Variants in GREB1L observed in about 807,000 individuals in gnomAD.
The protein encoded by GREB1L is GREB1-like protein.
In GREB1L, 17 loss-of-function variants were observed where a neutral mutation model predicts 200.8. The ratio of observed to expected loss-of-function variants is 0.08; its 90% CI spans 0.06 to 0.13. GREB1L has a LOEUF of 0.13. GREB1L is among the 10% of genes least tolerant of loss of function. GREB1L has a pLI of 1.00. For synonymous variants in GREB1L, 789 were observed against 893.0 expected, an observed-to-expected ratio of 0.88 and a Z score of 2.08; for missense variants, 1,657 against 2,367.7, an observed-to-expected ratio of 0.70 and a Z score of 6.23.
intron 1 of GREB1L, among the ~76,000 whole-genome samples, chr18:21,289,304 C>T (rs2144560430): frequency 6.6e-6 from 1 of 152,210 alleles, no homozygotes; most frequent in South Asian, 2.1e-4. Context: ...AATCTCAATG[C>T]TTTGGGAGGC....
At chr18:21,360,841 C>T (rs2039570893) in intron 1 of GREB1L, among the ~76,000 whole-genome samples, 1 of 152,116 alleles carries the variant, frequency 6.6e-6, no homozygotes, top group Non-Finnish European at 1.5e-5. Context: ...ATAAAATATC[C>T]TCCATTTTTA....
At chr18:21,291,182 A>G (rs1487444090) in intron 1 of GREB1L, among the ~76,000 whole-genome samples, 1 of 152,036 alleles carries the variant, frequency 6.6e-6, no homozygotes, top group Non-Finnish European at 1.5e-5. Flanking sequence ...CCCTAGCTAT[A>G]CTGAGGACCT....
At chr18:21,327,825 G>A (rs2039046251) in intron 1 of GREB1L, among the ~76,000 whole-genome samples, 1 of 151,952 alleles carries the variant, frequency 6.6e-6, no homozygotes, top group Non-Finnish European at 1.5e-5. Context: ...CCATTCTCCT[G>A]CCTCAGCCTC....
intron 4 of GREB1L, among the ~76,000 whole-genome samples, chr18:21,391,305 G>A (rs114064275): frequency 6.6e-6 from 1 of 152,294 alleles, no homozygotes; most frequent in African/African-American, 2.4e-5. Context: ...TGTTACAACT[G>A]CCTATAGTAT....
rs1168379295 is a variant in GREB1L, at chr18:21,242,261, C to T, written c.-252C>T. The T allele has an allele frequency of 1.3e-5, 2 of 151,980 alleles. No individual in the cohort carries two copies. Among genetic ancestry groups the T allele is most frequent in the Admixed American group, 6.6e-5 (1 of 15,238 alleles). The allele number at this position is 151,980 out of a possible 1,614,324, so 9.4% of individuals were successfully genotyped here. On this transcript the variant is annotated 5_prime_UTR_variant, in exon 1 of 33. Coordinates refer to ENST00000424526, the MANE Select transcript of GREB1L (RefSeq NM_001142966.3). ...AGACGCCAGCCGCCGGCGGCGCTAG[C>T]ACCTCGGAGTCGGGCGGCCGGAGCA...
At chr18:21,395,687 CAATTA>C in intron 5 of GREB1L, 126 bp downstream of exon 5, 1 of 592,466 alleles carries the variant, frequency 1.7e-6, no homozygotes, top group Non-Finnish European at 2.7e-6. Flanking sequence ...TAGTTTAGTT[CAATTA>C]TGAGACATTT....
At chr18:21,293,236 C>T (rs1250005567) in intron 1 of GREB1L, among the ~76,000 whole-genome samples, 3 of 152,168 alleles carry the variant, frequency 2.0e-5, no homozygotes, top group Non-Finnish European at 4.4e-5. Flanking sequence ...CTGATTTGCA[C>T]CCTCTCACAT....
intron 17 of GREB1L, among the ~76,000 whole-genome samples, chr18:21,481,439 ATGTGTGTGTGTGTG>A (rs34711292): frequency 2.4e-4 from 30 of 127,550 alleles, no homozygotes; most frequent in African/African-American, 5.9e-4. Context: ...GTATATATGT[ATGTGTGTGTGTGTG>A]TGTGTGTGTG....
At chr18:21,389,249 G>T (rs2040682070) in intron 4 of GREB1L, among the ~76,000 whole-genome samples, 2 of 149,430 alleles carry the variant, frequency 1.3e-5, no homozygotes, top group South Asian at 4.2e-4. Flanking sequence ...AATTTATTTT[G>T]TTGCTCAAAT....
At chr18:21,360,323 A>G (rs1285189432) in intron 1 of GREB1L, among the ~76,000 whole-genome samples, 3 of 151,968 alleles carry the variant, frequency 2.0e-5, no homozygotes, top group Non-Finnish European at 2.9e-5. Context: ...GGTTCAAGCA[A>G]TTCTCCTGCC....
intron 15 of GREB1L, 199 bp downstream of exon 15, chr18:21,454,762 G>A (rs2034678550): frequency 1.7e-6 from 1 of 593,704 alleles, no homozygotes; most frequent in South Asian, 2.0e-5. Flanking sequence ...CAAGGTCAAG[G>A]GTAAATTGTT....
Position 21,485,731 on chromosome 18 carries a change from A to C in GREB1L, c.2668A>C (p.Met890Leu). The change falls in exon 18 of 33, where the codon ATG becomes CTG. Residue 890 changes from methionine to leucine, a missense_variant. Around this residue, in one of 9 missense-constraint regions of GREB1L, gnomAD observed 82 missense variants for 95.9 expected, o/e 0.85. Transcript: ENST00000424526. Reference protein sequence around the residue: ...LLRCDETFEKMVNTLLERYPR... With the variant: ...LLRCDETFEKLVNTLLERYPR... ...GAGATGTGACGAGACTTTTGAAAAAATGGTGAACACACTCTTGGAGAGGTA... is the reference window on the plus strand; with the variant it reads ...GAGATGTGACGAGACTTTTGAAAAACTGGTGAACACACTCTTGGAGAGGTA... 6.4e-7 allele frequency: 1 copy of C among 1,551,630 alleles called. No individual in the cohort carries two copies. The highest frequency in any genetic ancestry group is 1.2e-5 in the South Asian group (1 of 84,056).
At position 21,395,555 on chromosome 18, in the gene GREB1L, C is replaced by T; in HGVS notation, c.526C>T (p.Leu176Phe). The T allele has an allele frequency of 6.5e-7, 1 of 1,546,932 alleles. No homozygotes were observed. Among genetic ancestry groups the T allele is most frequent in the African/African-American group, 1.4e-5 (1 of 72,864 alleles). The change falls in exon 5 of 33, where the codon CTT becomes TTT. Residue 176 changes from leucine (L) to phenylalanine (F), a missense_variant. Leu to Phe is a conservative substitution (Grantham distance 22). Around this residue, in one of 9 missense-constraint regions of GREB1L, gnomAD observed 70 missense variants for 151.3 expected, o/e 0.46. Transcript: ENST00000424526. The stretch of plus-strand genomic sequence containing the variant: ...ACCAGATGATCATGGAAAAAATGCA[C>T]TTTTAGGTGAGTGTTTCATGCTTAT... ...FLPDDHGKNA[L>F]LGFSGNCIGC... is the part of the protein sequence containing the mutation.
At chr18:21,499,192 G>T (rs1294166555) in intron 21 of GREB1L, among the ~76,000 whole-genome samples, 2 of 152,246 alleles carry the variant, frequency 1.3e-5, no homozygotes, top group Admixed American at 1.3e-4. Context: ...AAGGAAGCCA[G>T]TGCTGCCAGG....
In GREB1L at chr18:21,468,024, G is replaced by GA. The variant is rs371165102; in HGVS notation, c.2183-4990dup. 3.2e-3 allele frequency among the ~76,000 whole-genome samples: 303 copies of GA among 93,902 alleles called. 1 individual carries two copies. The highest frequency in any genetic ancestry group is 5.0e-3 in the Admixed American group (44 of 8,874). 61.6% of individuals were successfully genotyped at this position (93,902 alleles called of 152,430 possible). On this transcript the variant is annotated intron_variant, in intron 15 of 32. Transcript: ENST00000424526. The stretch of plus-strand genomic sequence containing the variant: ...TGGGCAACAGAGCGAGACTCCATCT[G>GA]AAAAAAAAAAAAAAAAAGATACGAA...
chr18:21,449,866 T>C, intron 12 of GREB1L, 30 bp downstream of exon 12: 1 of 1,424,668 alleles, frequency 7.0e-7, no homozygotes. Flanking sequence ...TTTGTTTGTT[T>C]AATCAATTCA....
intron 1 of GREB1L, among the ~76,000 whole-genome samples, chr18:21,272,537 G>A (rs1373284934): frequency 1.3e-5 from 2 of 152,130 alleles, no homozygotes; most frequent in Non-Finnish European, 2.9e-5. Flanking sequence ...ATAATTTTTT[G>A]ATATTTCTTA....
At chr18:21,286,995 G>A (rs1284743601) in intron 1 of GREB1L, among the ~76,000 whole-genome samples, 1 of 152,120 alleles carries the variant, frequency 6.6e-6, no homozygotes, top group African/African-American at 2.4e-5. Flanking sequence ...TTCTAGTCAT[G>A]TAGCTTCTCC....
chr18:21,291,634 G>A (rs2144590333), intron 1 of GREB1L, among the ~76,000 whole-genome samples: 1 of 152,314 alleles, frequency 6.6e-6, no homozygotes, highest in East Asian at 1.9e-4. Context: ...CAATGGCTGT[G>A]TATTAAAAAG....
Sources: allele counts gnomAD v4.1 joint callset (sites outside exome capture counted in the v4.1 genomes callset), GRCh38; gene constraint gnomAD v4.1.1; regional missense constraint gnomAD v4.1.1; transcripts MANE v1.5; gene names NCBI Gene and HGNC (gene_info 2026-07-23, HGNC 2026-07-21).